TMEM132C: variants seen among roughly 807,000 people sequenced by gnomAD.
TMEM132C encodes the protein protein phosphatase 1, regulatory subunit 152.
A neutral mutation model predicts 61.4 loss-of-function variants in TMEM132C; 29 were observed. The observed-to-expected ratio is 0.47, with a 90% confidence interval of 0.35 to 0.64. The LOEUF (loss-of-function observed/expected upper bound fraction) is 0.64. TMEM132C is among the 30% of genes least tolerant of loss of function. The pLI is 0.00. For missense variants in TMEM132C, 1,408 were observed against 1,476.9 expected, an observed-to-expected ratio of 0.95 and a Z score of 0.76; for synonymous variants, 656 against 633.1, an observed-to-expected ratio of 1.04 and a Z score of -0.54.
At chr12:128,294,698 GTCCTC>G (rs1247553699) in intron 1 of TMEM132C, among the ~76,000 whole-genome samples, 1 of 152,086 alleles carries the variant, frequency 6.6e-6, no homozygotes, top group African/African-American at 2.4e-5. Flanking sequence ...TTCTCCCTAT[GTCCTC>G]TCACAGTGGA....
intron 1 of TMEM132C, among the ~76,000 whole-genome samples, chr12:128,295,063 TGA>T (rs1871364187): frequency 1.4e-5 from 2 of 144,534 alleles, no homozygotes; most frequent in Admixed American, 1.4e-4. Context: ...ATTAAAAAAT[TGA>T]GAAAGAAATG....
chr12:128,601,491 G>A (rs892498217), intron 3 of TMEM132C, among the ~76,000 whole-genome samples: 10 of 152,210 alleles, frequency 6.6e-5, no homozygotes, highest in African/African-American at 1.2e-4. Flanking sequence ...TGGTGAACAC[G>A]AAATGCATAG....
intron 2 of TMEM132C, among the ~76,000 whole-genome samples, chr12:128,531,166 A>C (rs948391443): frequency 2.6e-5 from 4 of 152,248 alleles, no homozygotes; most frequent in African/African-American, 4.8e-5. Flanking sequence ...TGGGGACCAG[A>C]ACAGGGGAAA....
At chr12:128,600,704 G>A (rs1170940222) in intron 3 of TMEM132C, among the ~76,000 whole-genome samples, 2 of 152,150 alleles carry the variant, frequency 1.3e-5, no homozygotes, top group Non-Finnish European at 2.9e-5. Context: ...CCTGATCACA[G>A]GTGTGAGGGA....
chr12:128,679,429 T>A (rs1308529516), intron 5 of TMEM132C, among the ~76,000 whole-genome samples: 2 of 152,228 alleles, frequency 1.3e-5, no homozygotes, highest in Non-Finnish European at 2.9e-5. Flanking sequence ...GCCAGTTGTG[T>A]GGGCTGGGAT....
intron 1 of TMEM132C, among the ~76,000 whole-genome samples, chr12:128,337,998 A>C (rs1462229313): frequency 6.6e-6 from 1 of 152,194 alleles, no homozygotes; most frequent in Non-Finnish European, 1.5e-5. Context: ...AACAGGAACC[A>C]GGGAAAGAAA....
chr12:128,342,402 T>C (rs146082911), intron 1 of TMEM132C, among the ~76,000 whole-genome samples: 27 of 152,342 alleles, frequency 1.8e-4, no homozygotes, highest in African/African-American at 6.0e-4. Flanking sequence ...ACCTTTCTAA[T>C]ACCACTGTAC....
intron 1 of TMEM132C, among the ~76,000 whole-genome samples, chr12:128,342,070 A>G (rs972976901): frequency 6.6e-6 from 1 of 150,800 alleles, no homozygotes; most frequent in East Asian, 2.0e-4. Context: ...GTGCAGTGGC[A>G]TGATCTCAGC....
chr12:128,688,827 T>G (rs1016921192), intron 5 of TMEM132C, among the ~76,000 whole-genome samples: 7 of 152,172 alleles, frequency 4.6e-5, no homozygotes, highest in Admixed American at 4.6e-4. Context: ...TCTTTTCTGT[T>G]TTCATTTCTT....
intron 4 of TMEM132C, among the ~76,000 whole-genome samples, chr12:128,635,830 T>G (rs1312975410): frequency 6.6e-6 from 1 of 152,204 alleles, no homozygotes; most frequent in Non-Finnish European, 1.5e-5. Flanking sequence ...CTCCCTGCCC[T>G]AAAACCTTTA....
chr12:128,276,915 C>CACACACACACACAG (rs1476120170), intron 1 of TMEM132C, among the ~76,000 whole-genome samples: 2 of 151,806 alleles, frequency 1.3e-5, no homozygotes, highest in Admixed American at 6.6e-5. Flanking sequence ...CACACACACA[C>CACACACACACACAG]AATTCTAGGC....
chr12:128,521,480 G>T (rs997096616), intron 2 of TMEM132C, among the ~76,000 whole-genome samples: 4 of 122,588 alleles, frequency 3.3e-5, no homozygotes, highest in Non-Finnish European at 6.6e-5. Context: ...ACAGGCCCCG[G>T]TGGGAACACA....
intron 2 of TMEM132C, among the ~76,000 whole-genome samples, chr12:128,511,680 G>A (rs1872571281): frequency 6.6e-6 from 1 of 152,148 alleles, no homozygotes; most frequent in African/African-American, 2.4e-5. Flanking sequence ...CTCTCCTGGG[G>A]CCCCACCACC....
At chr12:128,466,338 C>T (rs978415024) in intron 2 of TMEM132C, among the ~76,000 whole-genome samples, 32 of 152,344 alleles carry the variant, frequency 2.1e-4, no homozygotes, top group African/African-American at 7.5e-4. Context: ...TCAGTTTGAC[C>T]TGCAAGCATG....
intron 3 of TMEM132C, among the ~76,000 whole-genome samples, chr12:128,575,595 T>C (rs1875062692): frequency 6.6e-6 from 1 of 152,230 alleles, no homozygotes; most frequent in Admixed American, 6.5e-5. Flanking sequence ...CAGAGAAATA[T>C]ACAGACCATG....
chr12:128,331,730 A>G (rs979641806), intron 1 of TMEM132C, among the ~76,000 whole-genome samples: 1 of 152,252 alleles, frequency 6.6e-6, no homozygotes, highest in African/African-American at 2.4e-5. Context: ...TGCAATAAAC[A>G]TACCAGTGTA....
rs1871124982 is a variant in TMEM132C, at chr12:128,475,415, G to A, written c.974+59795G>A. ...CAGGTTTTGGTAGGGGAAGAAATGG[G>A]GAGGGACCGCTAACTGGCATGCGGT... is the stretch of plus-strand genomic sequence containing the variant. On this transcript the variant is annotated intron_variant, in intron 2 of 8. Coordinates refer to ENST00000435159, the MANE Select transcript of TMEM132C (RefSeq NM_001136103.3). 2.0e-5 allele frequency among the ~76,000 whole-genome samples: 3 copies of A among 152,120 alleles called. No homozygotes were observed. In the South Asian group the frequency reaches 6.2e-4, roughly 32 times the overall value.
chr12:128,562,773 A>G (rs2136164844), intron 3 of TMEM132C, among the ~76,000 whole-genome samples: 1 of 145,642 alleles, frequency 6.9e-6, no homozygotes, highest in East Asian at 2.1e-4. Context: ...TAAAGGGATC[A>G]GCTTCTGTGA....
At chr12:128,396,381 G>T (rs1874956717) in intron 1 of TMEM132C, among the ~76,000 whole-genome samples, 1 of 124,790 alleles carries the variant, frequency 8.0e-6, no homozygotes, top group Non-Finnish European at 1.6e-5. Flanking sequence ...ACTGGGGCCT[G>T]TCGTGGGGGT....
Sources: gnomAD v4.1 joint callset for allele counts (sites outside exome capture counted in the v4.1 genomes callset) on GRCh38, gnomAD v4.1.1 for gene constraint, MANE v1.5 for transcripts, NCBI Gene and HGNC (gene_info 2026-07-23, HGNC 2026-07-21) for gene names.